ULK4: variants seen among roughly 807,000 people sequenced by gnomAD.
The protein encoded by ULK4 is inactive serine/threonine-protein kinase ULK4.
A neutral mutation model predicts 160.6 loss-of-function variants in ULK4; 133 were observed. The ratio of observed to expected loss-of-function variants is 0.83; its 90% CI spans 0.72 to 0.96. The LOEUF (loss-of-function observed/expected upper bound fraction) is 0.96, where lower values mean the gene tolerates loss of function less well. ULK4 is among the 40% of genes least tolerant of loss of function. The pLI, the probability that ULK4 is intolerant of heterozygous loss-of-function variation, is 0.00. For missense variants in ULK4, 1,580 were observed against 1,499.5 expected (o/e 1.05, Z -0.89); for synonymous variants, 534 against 539.8 (o/e 0.99, Z 0.15).
intron 31 of ULK4, among the ~76,000 whole-genome samples, chr3:41,614,622 C>T (rs1684917005): frequency 6.6e-6 from 1 of 152,180 alleles, no homozygotes; most frequent in Non-Finnish European, 1.5e-5. Context: ...CAGCTGTCAT[C>T]TTGTCACCTG....
At position 41,852,348 on chromosome 3, in the gene ULK4, T is replaced by A. The variant is rs372374252; in HGVS notation, c.1657-16377A>T. Among the ~76,000 whole-genome samples, 8 of 152,180 alleles carry A rather than the reference T, an allele frequency of 5.3e-5. No homozygotes were observed. In the East Asian group the frequency reaches 7.7e-4, roughly 15 times the overall value. On this transcript the variant is annotated intron_variant, in intron 17 of 36. Coordinates refer to ENST00000301831, the MANE Select transcript of ULK4 (RefSeq NM_017886.4). ...ATTTTAAAAAGTATACTGATCAATC[T>A]TGCCATGCAGACTAAGTCAAGAAAT...
intron 32 of ULK4, among the ~76,000 whole-genome samples, chr3:41,546,256 T>C (rs1301675204): frequency 6.6e-6 from 1 of 152,192 alleles, no homozygotes; most frequent in Non-Finnish European, 1.5e-5. Context: ...GGCAGTTAAA[T>C]TCTTGGTGGC....
intron 20 of ULK4, among the ~76,000 whole-genome samples, chr3:41,795,995 T>C (rs969148998): frequency 6.6e-6 from 1 of 152,138 alleles, no homozygotes; most frequent in Non-Finnish European, 1.5e-5. Context: ...TCAAAGAGGA[T>C]GTCTAGCCCT....
intron 35 of ULK4, among the ~76,000 whole-genome samples, chr3:41,264,075 T>G (rs890167447): frequency 2.0e-5 from 3 of 152,288 alleles, no homozygotes; most frequent in Admixed American, 2.0e-4. Context: ...AGGTGACACA[T>G]AAGCCAAGGG....
chr3:41,868,680 TAG>T (rs917766433), intron 17 of ULK4, among the ~76,000 whole-genome samples: 3 of 151,678 alleles, frequency 2.0e-5, no homozygotes, highest in African/African-American at 7.3e-5. Context: ...TTTTTTTTAG[TAG>T]AGACAGGTTT....
intron 22 of ULK4, among the ~76,000 whole-genome samples, chr3:41,752,610 T>C (rs2038668614): frequency 6.6e-6 from 1 of 152,216 alleles, no homozygotes; most frequent in South Asian, 2.1e-4. Flanking sequence ...AACAGAATTA[T>C]ACAAATGCCT....
chr3:41,641,852 T>C (rs900830162), intron 30 of ULK4, among the ~76,000 whole-genome samples: 1 of 149,178 alleles, frequency 6.7e-6, no homozygotes, highest in Non-Finnish European at 1.5e-5. Context: ...AAGGAGCTCA[T>C]AAAAATGACA....
intron 35 of ULK4, among the ~76,000 whole-genome samples, chr3:41,385,058 TAAAAAAA>T (rs201664339): frequency 2.0e-5 from 3 of 146,842 alleles, no homozygotes; most frequent in African/African-American, 7.5e-5. Flanking sequence ...TCTCAAAAAA[TAAAAAAA>T]AAAGTATTAA....
Position 41,911,342 on chromosome 3 carries a change from A to G in ULK4, c.1060T>C (p.Leu354=), listed in dbSNP as rs1297232137. 6.2e-7 allele frequency: 1 copy of G among 1,613,996 alleles called. No individual in the cohort carries two copies. The highest frequency in any genetic ancestry group is 1.3e-5 in the African/African-American group (1 of 74,930). ...FRPKSTLEGQ[L]NESMFLLSSR... The stretch of plus-strand genomic sequence containing the variant: ...CTGAGAAGAAACATGGATTCATTCA[A>G]TTGACCCTCAAGAGTACTCTTAGGC... The change falls in exon 11 of 37, where the codon TTG becomes CTG. Residue 354 remains leucine (L), a synonymous_variant. Transcript: ENST00000301831.
intron 20 of ULK4, among the ~76,000 whole-genome samples, chr3:41,791,299 G>A (rs2040143157): frequency 6.6e-6 from 1 of 151,900 alleles, no homozygotes; most frequent in East Asian, 1.9e-4. Flanking sequence ...TGGCCTATTT[G>A]TGTTACTTTT....
chr3:41,815,364 T>C (rs2040933488), intron 19 of ULK4, among the ~76,000 whole-genome samples: 1 of 152,258 alleles, frequency 6.6e-6, no homozygotes, highest in Non-Finnish European at 1.5e-5. Context: ...TTTTTCCTAA[T>C]TCCTTTCATA....
intron 32 of ULK4, among the ~76,000 whole-genome samples, chr3:41,490,526 T>C (rs2084713723): frequency 6.6e-6 from 1 of 152,210 alleles, no homozygotes; most frequent in Non-Finnish European, 1.5e-5. Flanking sequence ...TACTTTCTTC[T>C]TTCAGTGCTT....
chr3:41,807,184 T>C (rs1158119526), intron 19 of ULK4, among the ~76,000 whole-genome samples: 1 of 152,078 alleles, frequency 6.6e-6, no homozygotes, highest in Non-Finnish European at 1.5e-5. Context: ...ATTTTATATA[T>C]ATGATACCTT....
intron 20 of ULK4, among the ~76,000 whole-genome samples, chr3:41,796,919 T>C (rs2040315938): frequency 6.6e-6 from 1 of 152,074 alleles, no homozygotes; most frequent in African/African-American, 2.4e-5. Flanking sequence ...GTTAAGGAAG[T>C]GCTCAGTGAT....
chr3:41,706,066 C>T (rs1215925035), intron 25 of ULK4, among the ~76,000 whole-genome samples: 1 of 151,954 alleles, frequency 6.6e-6, no homozygotes, highest in African/African-American at 2.4e-5. Context: ...CTCCTAGATA[C>T]CTCTTATTCC....
intron 21 of ULK4, among the ~76,000 whole-genome samples, chr3:41,769,523 A>G (rs905563377): frequency 1.3e-5 from 2 of 152,230 alleles, no homozygotes; most frequent in African/African-American, 2.4e-5. Flanking sequence ...TACTGTGCAG[A>G]AAAAGAGCAG....
intron 30 of ULK4, among the ~76,000 whole-genome samples, chr3:41,622,032 A>G (rs1166308071): frequency 6.6e-6 from 1 of 152,236 alleles, no homozygotes; most frequent in Admixed American, 6.5e-5. Flanking sequence ...ACTGGTCCTT[A>G]GAGAAATGCA....
intron 32 of ULK4, among the ~76,000 whole-genome samples, chr3:41,554,032 T>C (rs899567961): frequency 2.6e-5 from 4 of 152,076 alleles, no homozygotes; most frequent in Admixed American, 2.0e-4. Flanking sequence ...TCTATCTCCA[T>C]AAGTTCAATT....
intron 21 of ULK4, among the ~76,000 whole-genome samples, chr3:41,781,181 A>C (rs1295892611): frequency 6.6e-6 from 1 of 152,206 alleles, no homozygotes; most frequent in Non-Finnish European, 1.5e-5. Flanking sequence ...TGATTGAAAC[A>C]GATAACCTAG....
Sources: gnomAD v4.1 joint callset for allele counts (sites outside exome capture counted in the v4.1 genomes callset) on GRCh38, gnomAD v4.1.1 for gene constraint, MANE v1.5 for transcripts, NCBI Gene and HGNC (gene_info 2026-07-23, HGNC 2026-07-21) for gene names.